Variants in SEMA3E observed in about 807,000 individuals in gnomAD.
SEMA3E encodes semaphorin 3E.
SEMA3E carries 49 observed loss-of-function variants against 93.6 expected under a neutral mutation model. The ratio of observed to expected loss-of-function variants is 0.52; its 90% CI spans 0.42 to 0.66. The LOEUF (loss-of-function observed/expected upper bound fraction) is 0.66, where lower values mean the gene tolerates loss of function less well. Ranked by LOEUF, SEMA3E falls within the 30% of genes least tolerant of loss-of-function variation. The probability of loss-of-function intolerance (pLI) is 0.00; values close to 1 mark genes in which losing one functional copy is unlikely to be tolerated. For synonymous variants in SEMA3E, 363 were observed against 330.7 expected (o/e 1.10, Z -1.06); for missense variants, 906 against 964.8 (o/e 0.94, Z 0.81).
Position 83,528,112 on chromosome 7 carries a change from G to C in SEMA3E, c.116-37838C>G, listed in dbSNP as rs546646650. 1.6e-3 allele frequency among the ~76,000 whole-genome samples: 243 copies of C among 151,790 alleles called. No homozygotes were observed. The East Asian group carries it at 0.042, about 26-fold the overall frequency. ...TCTTACTATAATGCCCTTTTTGGTA[G>C]GAAAAAGTAACTGTCATCTAAGTTA... is the stretch of plus-strand genomic sequence containing the variant. On this transcript the variant is annotated intron_variant, in intron 1 of 16. Coordinates refer to ENST00000643230, the MANE Select transcript of SEMA3E (RefSeq NM_012431.3).
chr7:83,640,491 C>T (rs1010530067), intron 1 of SEMA3E, among the ~76,000 whole-genome samples: 5 of 152,072 alleles, frequency 3.3e-5, no homozygotes, highest in African/African-American at 7.2e-5. Flanking sequence ...AGCTTCCCAG[C>T]GGAAAAACAG....
intron 1 of SEMA3E, among the ~76,000 whole-genome samples, chr7:83,632,927 C>T (rs1050328808): frequency 6.6e-6 from 1 of 152,072 alleles, no homozygotes; most frequent in Non-Finnish European, 1.5e-5. Context: ...ATCTGGAAGC[C>T]ATGGACATGA....
chr7:83,506,600 T>G (rs1417409839), intron 1 of SEMA3E, among the ~76,000 whole-genome samples: 1 of 152,142 alleles, frequency 6.6e-6, no homozygotes, highest in Non-Finnish European at 1.5e-5. Flanking sequence ...TTGATAATTG[T>G]ATACCTGTAT....
At chr7:83,447,991 G>C (rs1442513792) in intron 4 of SEMA3E, among the ~76,000 whole-genome samples, 1 of 151,890 alleles carries the variant, frequency 6.6e-6, no homozygotes, top group Non-Finnish European at 1.5e-5. Flanking sequence ...TAAAGTTTCT[G>C]GACAAAATAT....
At chr7:83,601,990 C>G (rs1165882192) in intron 1 of SEMA3E, among the ~76,000 whole-genome samples, 1 of 152,132 alleles carries the variant, frequency 6.6e-6, no homozygotes, top group East Asian at 1.9e-4. Flanking sequence ...TATTCCTGGG[C>G]ATATACTAAG....
chr7:83,544,111 T>C (rs955194595), intron 1 of SEMA3E, among the ~76,000 whole-genome samples: 3 of 152,084 alleles, frequency 2.0e-5, no homozygotes, highest in African/African-American at 7.2e-5. Flanking sequence ...TCCTGAAACA[T>C]GTTGGAAATA....
At chr7:83,535,247 C>T (rs918577773) in intron 1 of SEMA3E, among the ~76,000 whole-genome samples, 1 of 152,146 alleles carries the variant, frequency 6.6e-6, no homozygotes, top group Non-Finnish European at 1.5e-5. Flanking sequence ...TTTGACTCCA[C>T]ATAAATTTGG....
chr7:83,393,035 A>G lies in SEMA3E; in HGVS notation c.1501-314T>C, dbSNP rs11764596. Among the ~76,000 whole-genome samples the G allele has an allele frequency of 0.63, 80,165 of 128,090 alleles. 26,408 individuals carry two copies. Among genetic ancestry groups the G allele is most frequent in the East Asian group, 0.85 (4,041 of 4,744 alleles). The allele number at this position is 128,090 out of a possible 152,430, so 84.0% of individuals were successfully genotyped here. Reference sequence around the variant, plus strand: ...ACCTGGGCGACAAGAGAGAAACTCCATCTCAAAAAAAAAAAAAAAAAATTA... The same window carrying G: ...ACCTGGGCGACAAGAGAGAAACTCCGTCTCAAAAAAAAAAAAAAAAAATTA... On this transcript the variant is annotated intron_variant, in intron 13 of 16. Coordinates refer to ENST00000643230, the MANE Select transcript of SEMA3E (RefSeq NM_012431.3).
intron 1 of SEMA3E, among the ~76,000 whole-genome samples, chr7:83,619,904 C>CAGATAGATAGAT (rs1554344946): frequency 0.061 from 8,999 of 148,066 alleles, 321 homozygotes; most frequent in Non-Finnish European, 0.063. Context: ...GATAGATAGA[C>CAGATAGATAGAT]AGATAGATAG....
chr7:83,589,630 T>G (rs1792712392), intron 1 of SEMA3E, among the ~76,000 whole-genome samples: 2 of 152,186 alleles, frequency 1.3e-5, no homozygotes, highest in Non-Finnish European at 2.9e-5. Context: ...ATGAAAATTA[T>G]TTTAAATATA....
intron 1 of SEMA3E, among the ~76,000 whole-genome samples, chr7:83,642,824 A>C (rs10258088): frequency 0.017 from 2,660 of 152,124 alleles, 73 homozygotes; most frequent in African/African-American, 0.059. Flanking sequence ...AAATGGTATA[A>C]TTTTAGTTTA....
At chr7:83,412,450 G>T (rs879305090) in intron 5 of SEMA3E, among the ~76,000 whole-genome samples, 8 of 152,058 alleles carry the variant, frequency 5.3e-5, no homozygotes, top group Non-Finnish European at 1.2e-4. Context: ...AGGCTGTGAA[G>T]TGTCAACAAT....
intron 4 of SEMA3E, among the ~76,000 whole-genome samples, chr7:83,434,636 A>G (rs945958605): frequency 2.6e-5 from 4 of 152,010 alleles, no homozygotes; most frequent in African/African-American, 9.7e-5. Flanking sequence ...CCTGATGCCA[A>G]TTACCATTTT....
chr7:83,648,377 C>CTTT, intron 1 of SEMA3E, 51 bp downstream of exon 1: 1 of 1,297,334 alleles, frequency 7.7e-7, no homozygotes, highest in Non-Finnish European at 1.1e-6. Flanking sequence ...TTTCTTTTTT[C>CTTT]TTTTTCTTTT....
chr7:83,385,544 C>T, intron 15 of SEMA3E, 111 bp from the exon 16 acceptor site: 1 of 1,119,198 alleles, frequency 8.9e-7, no homozygotes, highest in Non-Finnish European at 1.3e-6. Flanking sequence ...TTACTTATTG[C>T]TTATTTCTGC....
intron 16 of SEMA3E, among the ~76,000 whole-genome samples, chr7:83,370,895 A>G (rs1192784566): frequency 6.6e-6 from 1 of 152,132 alleles, no homozygotes; most frequent in Non-Finnish European, 1.5e-5. Context: ...TTTTGTCAAC[A>G]TCCTGATTTA....
intron 1 of SEMA3E, among the ~76,000 whole-genome samples, chr7:83,554,237 G>A (rs2115811964): frequency 6.6e-6 from 1 of 152,084 alleles, no homozygotes; most frequent in South Asian, 2.1e-4. Context: ...AACAATTACT[G>A]ATTTTCTATT....
chr7:83,507,737 A>C (rs1053770536), intron 1 of SEMA3E, among the ~76,000 whole-genome samples: 2 of 151,958 alleles, frequency 1.3e-5, no homozygotes, highest in African/African-American at 4.8e-5. Context: ...CAGGAGTTCC[A>C]GACCAGCTTG....
chr7:83,648,338 A>G, intron 1 of SEMA3E, 90 bp downstream of exon 1: 1 of 898,198 alleles, frequency 1.1e-6, no homozygotes, highest in South Asian at 1.5e-5. Flanking sequence ...GAAGACCATA[A>G]GCCTATGTTA....
Sources: allele counts gnomAD v4.1 joint callset (sites outside exome capture counted in the v4.1 genomes callset), GRCh38; gene constraint gnomAD v4.1.1; transcripts MANE v1.5; gene names NCBI Gene and HGNC (gene_info 2026-07-23, HGNC 2026-07-21).